TRIM9: variants seen among roughly 807,000 people sequenced by gnomAD.
The protein encoded by TRIM9 is tripartite motif containing 9, also known as E3 ubiquitin-protein ligase TRIM9.
TRIM9 carries 26 observed loss-of-function variants against 78.3 expected under a neutral mutation model. The observed-to-expected ratio is 0.33, with a 90% CI of 0.24 to 0.46. The LOEUF (loss-of-function observed/expected upper bound fraction) is 0.46. TRIM9 is among the 20% of genes least tolerant of loss of function. The pLI, the probability that TRIM9 is intolerant of heterozygous loss-of-function variation, is 1.00. For missense variants in TRIM9, 787 were observed against 1,036.4 expected, an observed-to-expected ratio of 0.76 and a Z score of 3.30; for synonymous variants, 398 against 416.5, an observed-to-expected ratio of 0.96 and a Z score of 0.54.
chr14:50,979,609 CT>C, intron 11 of TRIM9, 60 bp from the exon 12 acceptor site: 1 of 1,440,622 alleles, frequency 6.9e-7, no homozygotes, highest in Non-Finnish European at 9.6e-7. Context: ...AAGCTCCCCC[CT>C]TTTGTGTGGT....
intron 1 of TRIM9, among the ~76,000 whole-genome samples, chr14:51,076,943 C>T (rs1442239883): frequency 6.6e-6 from 1 of 152,212 alleles, no homozygotes; most frequent in Non-Finnish European, 1.5e-5. Flanking sequence ...TTTGGGCAGT[C>T]CCCACTATGG....
intron 10 of TRIM9, 181 bp from the exon 11 acceptor site, chr14:50,982,284 A>G (rs2139310206): frequency 1.5e-6 from 1 of 654,434 alleles, no homozygotes; most frequent in Middle Eastern, 4.2e-4. Flanking sequence ...CTGCACCAGA[A>G]GCAGACGGAG....
At position 50,981,869 on chromosome 14, in the gene TRIM9, T is replaced by C; in HGVS notation, c.2093A>G (p.Asp698Gly). ...VMKDVMLGKD[D>G]KAWAMYVDNN... ...GTCCACATACATTGCCCAAGCTTTG[T>C]CGTCTTTTCCTAACATCACATCCTT... The change falls in exon 11 of 13, where the codon GAC becomes GGC. Residue 698 changes from aspartate to glycine, a missense_variant. Physicochemically the swap from Asp to Gly is moderately conservative, Grantham distance 94 (BLOSUM62 -1). Coordinates refer to ENST00000684578, the MANE Select transcript of TRIM9 (RefSeq NM_001387360.1). 6.2e-7 allele frequency: 1 copy of C among 1,614,216 alleles called. No individual in the cohort carries two copies. Among genetic ancestry groups the C allele is most frequent in the Non-Finnish European group, 8.5e-7 (1 of 1,180,038 alleles).
At chr14:50,986,592 G>T (rs2052746129) in intron 7 of TRIM9, 1 of 152,448 alleles carries the variant, frequency 6.6e-6, no homozygotes. Flanking sequence ...TTTACAAACT[G>T]TTTCCTATTC....
intron 3 of TRIM9, among the ~76,000 whole-genome samples, chr14:51,022,419 T>C (rs907123759): frequency 1.3e-5 from 2 of 152,338 alleles, no homozygotes; most frequent in Admixed American, 1.3e-4. Context: ...GCTTTTGGAC[T>C]TCCCAGTCTT....
intron 1 of TRIM9, among the ~76,000 whole-genome samples, chr14:51,050,031 G>A (rs78904768): frequency 0.09 from 13,730 of 151,992 alleles, 666 homozygotes; most frequent in Middle Eastern, 0.11. Context: ...GGAAGTAAAC[G>A]ATGCAGAGCC....
intron 1 of TRIM9, among the ~76,000 whole-genome samples, chr14:51,042,007 G>A (rs1203513834): frequency 6.6e-6 from 1 of 152,188 alleles, no homozygotes. Context: ...AGGAAGCTCT[G>A]TCGGAGTGAG....
chr14:51,050,946 C>T (rs770833411), intron 1 of TRIM9, among the ~76,000 whole-genome samples: 14 of 152,304 alleles, frequency 9.2e-5, no homozygotes, highest in South Asian at 8.3e-4. Flanking sequence ...TGCAACCTCA[C>T]GGGAGACTCC....
intron 1 of TRIM9, among the ~76,000 whole-genome samples, chr14:51,055,583 G>A (rs1271406791): frequency 1.3e-5 from 2 of 152,216 alleles, no homozygotes; most frequent in Non-Finnish European, 2.9e-5. Flanking sequence ...CAAGTTTGCT[G>A]GTTTTGAGGA....
At chr14:50,987,394 G>A (rs1037488635) in intron 7 of TRIM9, among the ~76,000 whole-genome samples, 14 of 152,216 alleles carry the variant, frequency 9.2e-5, no homozygotes, top group African/African-American at 2.9e-4. Flanking sequence ...ACCTCCAAGA[G>A]TCAGCCTCTG....
chr14:50,993,483 C>T (rs1314395740), intron 7 of TRIM9, among the ~76,000 whole-genome samples: 9 of 152,068 alleles, frequency 5.9e-5, no homozygotes, highest in African/African-American at 9.7e-5. Flanking sequence ...ATTCTCCTGC[C>T]TCAGCCTCCC....
chr14:50,988,494 T>C (rs2053025742), intron 7 of TRIM9: 1 of 152,190 alleles, frequency 6.6e-6, no homozygotes. Context: ...GATCCATTGT[T>C]TACTGATGAC....
chr14:50,992,007 C>A (rs145595769), intron 7 of TRIM9, among the ~76,000 whole-genome samples: 185 of 152,266 alleles, frequency 1.2e-3, no homozygotes, highest in African/African-American at 4.1e-3. Flanking sequence ...CAGTGGGGAC[C>A]AAGGTTTGTG....
In TRIM9 at chr14:51,094,257, G is replaced by A. The variant is rs1169479483; in HGVS notation, c.683C>T (p.Thr228Ile). Reference sequence around the variant, plus strand: ...GTTCTCCAGCTCGTGGTCTGTGCAGGTGGAGACCTTGCGTGGGCTCAGCCT... The same window carrying A: ...GTTCTCCAGCTCGTGGTCTGTGCAGATGGAGACCTTGCGTGGGCTCAGCCT... ...SRRLSPRKVS[T>I]CTDHELENHS... Residue 228 changes from threonine (T) to isoleucine (I), a missense_variant, in exon 1 of 13, where the codon ACC becomes ATC. Around this residue, in one of 3 missense-constraint regions of TRIM9, gnomAD observed 352 missense variants for 472.3 expected, o/e 0.75. Transcript: ENST00000684578. The A allele has an allele frequency of 6.2e-7, 1 of 1,614,078 alleles. No homozygotes were observed. Among genetic ancestry groups the A allele is most frequent in the Non-Finnish European group, 8.5e-7 (1 of 1,180,036 alleles).
Position 50,981,811 on chromosome 14 carries a change from C to T in TRIM9, c.2151G>A (p.Ser717=), listed in dbSNP as rs146015079. The T allele has an allele frequency of 2.7e-5, 43 of 1,613,958 alleles. No individual in the cohort carries two copies. The South Asian group carries it at 3.3e-4, about 12-fold the overall frequency. Residue 717 remains serine (S), a synonymous_variant, in exon 11 of 13, where the codon TCG becomes TCA. Transcript: ENST00000684578. ...NNRSWFMHNN[S]HTNRTEGGIT... Reference sequence around the variant, plus strand: ...GGGCTGCAGGGTACCTGTTGGTGTGCGAGTTGTTGTGCATGAACCAGCTCC... The same window carrying T: ...GGGCTGCAGGGTACCTGTTGGTGTGTGAGTTGTTGTGCATGAACCAGCTCC...
intron 2 of TRIM9, among the ~76,000 whole-genome samples, chr14:51,025,000 A>G (rs1319044578): frequency 2.0e-5 from 3 of 152,202 alleles, no homozygotes; most frequent in Non-Finnish European, 2.9e-5. Context: ...AATATTCAGT[A>G]GTAGAGAATT....
chr14:51,088,943 T>A (rs1481704182), intron 1 of TRIM9: 1 of 151,988 alleles, frequency 6.6e-6, no homozygotes, highest in African/African-American at 2.4e-5. Context: ...TCAGGACTTC[T>A]TGGTTGCAAG....
intron 1 of TRIM9, among the ~76,000 whole-genome samples, chr14:51,048,250 T>C (rs1455439407): frequency 6.6e-6 from 1 of 152,244 alleles, no homozygotes; most frequent in Non-Finnish European, 1.5e-5. Flanking sequence ...AATGTCTATC[T>C]GTACAGGCTT....
intron 1 of TRIM9, 60 bp from the exon 2 acceptor site, chr14:51,025,420 G>C (rs371690616): frequency 8.9e-6 from 1 of 112,698 alleles, no homozygotes; most frequent in Non-Finnish European, 1.5e-5. Context: ...AACAAGGCCA[G>C]CGAGACTCAA....
Sources: allele counts gnomAD v4.1 joint callset (sites outside exome capture counted in the v4.1 genomes callset), GRCh38; gene constraint gnomAD v4.1.1; regional missense constraint gnomAD v4.1.1; transcripts MANE v1.5; gene names NCBI Gene and HGNC (gene_info 2026-07-23, HGNC 2026-07-21).